ZC3H11A: variants seen among roughly 807,000 people sequenced by gnomAD.
The protein encoded by ZC3H11A is zinc finger CCCH domain-containing protein 11A.
Under a neutral mutation model 90.8 loss-of-function variants are expected in ZC3H11A, and 22 were observed. That is an observed-to-expected ratio of 0.24 (90% CI 0.17 to 0.35). The LOEUF is 0.35. Ranked by LOEUF, ZC3H11A falls within the 10% of genes least tolerant of loss-of-function variation. ZC3H11A has a pLI of 1.00. For missense variants in ZC3H11A, 701 were observed against 964.9 expected (o/e 0.73, Z 3.62); for synonymous variants, 294 against 339.8 (o/e 0.87, Z 1.48).
chr1:203,829,709 T>G, intron 6 of ZC3H11A, 55 bp downstream of exon 6: 6 of 1,612,638 alleles, frequency 3.7e-6, no homozygotes, highest in Non-Finnish European at 5.1e-6. Flanking sequence ...TCATAGTGAA[T>G]TGGGCAGAAT....
intron 8 of ZC3H11A, among the ~76,000 whole-genome samples, chr1:203,831,036 C>T (rs1055399034): frequency 1.4e-5 from 2 of 146,240 alleles, no homozygotes; most frequent in African/African-American, 5.1e-5. Context: ...ACCTCCACCT[C>T]CCAGTTCAAG....
rs199629782 is a variant in ZC3H11A at position 203,808,840 on chromosome 1, ATTTTC to A, written c.-146+5827_-146+5831del. On this transcript the variant is annotated intron_variant, in intron 2 of 17. Transcript: ENST00000367210. ...ATTATTATCATTATTTTATATATTT[ATTTTC>A]TTGAGAAGGCGTTTTTCTGTTGTTG... is the stretch of plus-strand genomic sequence containing the variant. Among the ~76,000 whole-genome samples, 199 of 151,512 alleles carry A rather than the reference ATTTTC, an allele frequency of 1.3e-3. 4 individuals carry two copies. In the East Asian group the frequency reaches 0.036, roughly 27 times the overall value.
intron 4 of ZC3H11A, among the ~76,000 whole-genome samples, 192 bp from the exon 5 acceptor site, chr1:203,828,102 ACTCTC>A (rs1409934943): frequency 1.3e-5 from 2 of 151,824 alleles, no homozygotes; most frequent in African/African-American, 4.8e-5. Flanking sequence ...AACATAAACT[ACTCTC>A]CTGCTCCATT....
At chr1:203,833,941 T>G in intron 10 of ZC3H11A, 88 bp downstream of exon 10, 1 of 1,480,644 alleles carries the variant, frequency 6.8e-7, no homozygotes, top group South Asian at 1.4e-5. Flanking sequence ...ATACAGATCT[T>G]TGTTATTGGT....
At chr1:203,848,454 T>C in intron 14 of ZC3H11A, 47 bp downstream of exon 14, 1 of 1,440,400 alleles carries the variant, frequency 6.9e-7, no homozygotes, top group Non-Finnish European at 9.6e-7. Flanking sequence ...AAACAAAGGC[T>C]AGATAATTGG....
At chr1:203,838,193 A>T in intron 11 of ZC3H11A, 129 bp downstream of exon 11, 1 of 871,786 alleles carries the variant, frequency 1.1e-6, no homozygotes, top group South Asian at 1.8e-5. Flanking sequence ...TATATTATTC[A>T]CTCAACAAAC....
chr1:203,854,040 C>T lies in ZC3H11A; in HGVS notation c.*1641C>T, dbSNP rs1374114506. 3 of 152,576 alleles carry T rather than the reference C, an allele frequency of 2.0e-5. No individual in the cohort carries two copies. Among genetic ancestry groups the T allele is most frequent in the Admixed American group, 1.3e-4 (2 of 15,272 alleles). 9.5% of individuals were successfully genotyped at this position (152,576 alleles called of 1,614,324 possible). The stretch of plus-strand genomic sequence containing the variant: ...AAAGCACTTGTATTAGTCAATGTTT[C>T]GTGTTCCGCATTATTTGAACCATTT... On this transcript the variant is annotated 3_prime_UTR_variant, in exon 18 of 18. Transcript: ENST00000367210.
intron 2 of ZC3H11A, among the ~76,000 whole-genome samples, chr1:203,804,276 C>T (rs560482038): frequency 6.6e-6 from 1 of 151,764 alleles, no homozygotes; most frequent in South Asian, 2.1e-4. Flanking sequence ...CTCAGCCTCC[C>T]GAGTAGCTGG....
chr1:203,797,601 AT>A, intron 1 of ZC3H11A: 1 of 1,535,390 alleles, frequency 6.5e-7, no homozygotes, highest in Non-Finnish European at 8.7e-7. Context: ...TGATTCTGGG[AT>A]TCTGGGATGT....
In ZC3H11A at chr1:203,847,195, A is replaced by G. The variant is rs2103400159; in HGVS notation, c.1054A>G (p.Lys352Glu). 5.6e-6 allele frequency: 9 copies of G among 1,612,594 alleles called. No individual in the cohort carries two copies. Among genetic ancestry groups the G allele is most frequent in the Non-Finnish European group, 7.6e-6 (9 of 1,179,600 alleles). ...DNEDATDKVNKVGEIHVKTLE... is the reference protein window; with the variant it reads ...DNEDATDKVNEVGEIHVKTLE... ...TCCTGTGAAAACAGATAAAGTTAAT[A>G]AAGTTGGTGAGATCCATGTGAAGAC... The change falls in exon 13 of 18, where the codon AAA becomes GAA. Residue 352 changes from lysine to glutamate, a missense_variant. Lys to Glu is a moderately conservative substitution (Grantham distance 56, BLOSUM62 1). Coordinates refer to ENST00000367210, the MANE Select transcript of ZC3H11A (RefSeq NM_001376342.1).
At chr1:203,836,645 A>G (rs12075358) in intron 10 of ZC3H11A, among the ~76,000 whole-genome samples, 1 of 152,306 alleles carries the variant, frequency 6.6e-6, no homozygotes, top group African/African-American at 2.4e-5. Flanking sequence ...GCATGGTGGC[A>G]TGCGCCTGTA....
At chr1:203,835,756 C>T in intron 10 of ZC3H11A, 1 of 242,930 alleles carries the variant, frequency 4.1e-6, no homozygotes, top group Non-Finnish European at 9.1e-6. Flanking sequence ...TTGTCCTTTG[C>T]TTTGTATACA....
intron 4 of ZC3H11A, among the ~76,000 whole-genome samples, chr1:203,827,722 A>G (rs1051342728): frequency 6.6e-6 from 1 of 151,976 alleles, no homozygotes; most frequent in South Asian, 2.1e-4. Context: ...AAGGATACCT[A>G]ACATCCTTAG....
intron 1 of ZC3H11A, chr1:203,800,188 A>C (rs1329499675): frequency 1.3e-6 from 2 of 1,523,282 alleles, no homozygotes; most frequent in South Asian, 1.2e-5. Flanking sequence ...ATTTACTGGC[A>C]GAGGAAGATA....
At position 203,816,979 on chromosome 1, in the gene ZC3H11A, C is replaced by T; in HGVS notation, c.-92C>T. On this transcript the variant is annotated 5_prime_UTR_variant, in exon 3 of 18. Transcript: ENST00000367210. The stretch of plus-strand genomic sequence containing the variant: ...TCAAGTTGTCATTTGGAAGATTAAA[C>T]CCATTTCACGAGGACTTGGAGCCTG... 1 of 803,252 alleles carries T rather than the reference C, an allele frequency of 1.2e-6. No individual in the cohort carries two copies. Among genetic ancestry groups the T allele is most frequent in the East Asian group, 2.8e-5 (1 of 36,106 alleles). 49.8% of individuals were successfully genotyped at this position (803,252 alleles called of 1,614,324 possible). A position where few individuals can be genotyped will look rare whatever the true frequency, so the allele number is the denominator to read the frequency against.
chr1:203,807,043 T>C (rs1363816651), intron 2 of ZC3H11A, among the ~76,000 whole-genome samples: 1 of 151,952 alleles, frequency 6.6e-6, no homozygotes, highest in Non-Finnish European at 1.5e-5. Context: ...TGTAGTGTTA[T>C]TTATTTTATT....
chr1:203,799,715 A>G, intron 1 of ZC3H11A: 1 of 727,788 alleles, frequency 1.4e-6, no homozygotes, highest in South Asian at 1.5e-5. Context: ...AAGATTTTCA[A>G]GTCAGAGGTA....
At chr1:203,798,222 A>T (rs1669290705) in intron 1 of ZC3H11A, 1 of 1,536,046 alleles carries the variant, frequency 6.5e-7, no homozygotes, top group African/African-American at 1.4e-5. Flanking sequence ...GAAGCATGAT[A>T]AATCAGCATC....
chr1:203,797,487 A>G, intron 1 of ZC3H11A: 1 of 1,457,658 alleles, frequency 6.9e-7, no homozygotes, highest in East Asian at 2.5e-5. Context: ...AAACCCACTA[A>G]CAGATTCTGG....
Sources: allele counts gnomAD v4.1 joint callset (sites outside exome capture counted in the v4.1 genomes callset), GRCh38; gene constraint gnomAD v4.1.1; transcripts MANE v1.5; gene names NCBI Gene and HGNC (gene_info 2026-07-23, HGNC 2026-07-21).